The following DTNBP1 variants were observed in gnomAD, a reference collection of about 807,000 sequenced individuals.
DTNBP1 encodes dystrobrevin binding protein 1.
A neutral mutation model predicts 42.8 loss-of-function variants in DTNBP1; 35 were observed. That is an observed-to-expected ratio of 0.82 (90% CI 0.63 to 1.09). The LOEUF is 1.09. Among genes scored for constraint, DTNBP1 ranks in the 50% least tolerant of loss-of-function variants. The pLI, the probability that DTNBP1 is intolerant of heterozygous loss-of-function variation, is 0.00. For missense variants in DTNBP1, 457 were observed against 424.2 expected, an observed-to-expected ratio of 1.08 and a Z score of -0.68; for synonymous variants, 171 against 162.2, an observed-to-expected ratio of 1.05 and a Z score of -0.41.
At position 15,523,833 on chromosome 6, in the gene DTNBP1, C is replaced by T. The variant is rs766437357; in HGVS notation, c.812-614G>A. 8.5e-6 allele frequency: 11 copies of T among 1,287,048 alleles called. No homozygotes were observed. The East Asian group carries it at 5.0e-4, about 58-fold the overall frequency. The allele number at this position is 1,287,048 out of a possible 1,614,324, so 79.7% of individuals were successfully genotyped here. On this transcript the variant is annotated intron_variant, in intron 9 of 9. Coordinates refer to ENST00000344537, the MANE Select transcript of DTNBP1 (RefSeq NM_032122.5). ...AGGATGACACCGTTCTGACAGATTGCCAGGAGAAGCGGGTGAGAAGTTTAG... is the reference window on the plus strand; with the variant it reads ...AGGATGACACCGTTCTGACAGATTGTCAGGAGAAGCGGGTGAGAAGTTTAG...
At chr6:15,526,777 T>A (rs1772433991) in intron 8 of DTNBP1, among the ~76,000 whole-genome samples, 1 of 152,194 alleles carries the variant, frequency 6.6e-6, no homozygotes, top group Non-Finnish European at 1.5e-5. Context: ...GCTTCTGACT[T>A]CAGTTTTGAA....
chr6:15,624,723 T>C (rs1675305388), intron 5 of DTNBP1, among the ~76,000 whole-genome samples: 1 of 152,214 alleles, frequency 6.6e-6, no homozygotes, highest in Non-Finnish European at 1.5e-5. Context: ...CTTCTAAGTT[T>C]GTTTTTATTT....
chr6:15,544,767 C>T (rs1773777955), intron 7 of DTNBP1, among the ~76,000 whole-genome samples: 1 of 152,244 alleles, frequency 6.6e-6, no homozygotes, highest in African/African-American at 2.4e-5. Flanking sequence ...ACCTGCAACA[C>T]TTCTAGTCCC....
chr6:15,534,012 GA>G (rs903437036), intron 7 of DTNBP1, among the ~76,000 whole-genome samples: 1 of 152,192 alleles, frequency 6.6e-6, no homozygotes, highest in African/African-American at 2.4e-5. Context: ...GATGAACCTG[GA>G]GCACATATGC....
At chr6:15,557,898 T>C (rs982606885) in intron 7 of DTNBP1, among the ~76,000 whole-genome samples, 19 of 152,142 alleles carry the variant, frequency 1.2e-4, no homozygotes, top group Non-Finnish European at 1.9e-4. Flanking sequence ...GTCTTTTTCT[T>C]AATTAATCTT....
intron 3 of DTNBP1, 111 bp downstream of exon 3, chr6:15,651,202 A>AT (rs1166714681): frequency 1.0e-6 from 1 of 966,026 alleles, no homozygotes; most frequent in African/African-American, 1.6e-5. Context: ...CAATCACTGC[A>AT]TTAAGATAAA....
Position 15,524,291 on chromosome 6 carries a change from CAA to C in DTNBP1, c.811+233_811+234del, listed in dbSNP as rs370870187. ...ACAAACAAGAAAGCTCTCAACTCACCAAAGTTACCGGAGTGGAGCATGTCAAA... is the reference window on the plus strand; with the variant it reads ...ACAAACAAGAAAGCTCTCAACTCACCAGTTACCGGAGTGGAGCATGTCAAA... On this transcript the variant is annotated intron_variant, in intron 9 of 9. Transcript: ENST00000344537. 72 of 1,609,682 alleles carry C rather than the reference CAA, an allele frequency of 4.5e-5. No homozygotes were observed. In the African/African-American group the frequency reaches 8.7e-4, roughly 19 times the overall value.
intron 5 of DTNBP1, among the ~76,000 whole-genome samples, chr6:15,625,380 T>TA (rs547802554): frequency 1.4e-4 from 22 of 152,318 alleles, no homozygotes; most frequent in African/African-American, 5.1e-4. Context: ...ACCAGAACAG[T>TA]ATATCAGATA....
At chr6:15,532,695 A>ATTTTTTTTT (rs1561939702) in intron 8 of DTNBP1, among the ~76,000 whole-genome samples, 3 of 93,216 alleles carry the variant, frequency 3.2e-5, no homozygotes, top group Non-Finnish European at 6.0e-5. Context: ...TGTGTTTGTA[A>ATTTTTTTTT]TCTTTTTTTT....
chr6:15,615,113 G>C (rs753812318), intron 6 of DTNBP1, 154 bp downstream of exon 6: 2 of 1,088,862 alleles, frequency 1.8e-6, no homozygotes, highest in African/African-American at 1.6e-5. Context: ...GCAACAGACA[G>C]TGGTTTTTAA....
At chr6:15,647,053 C>T (rs780334863) in intron 3 of DTNBP1, among the ~76,000 whole-genome samples, 1 of 151,788 alleles carries the variant, frequency 6.6e-6, no homozygotes, top group Non-Finnish European at 1.5e-5. Flanking sequence ...AGAAACAACA[C>T]AATAAACAGA....
intron 3 of DTNBP1, among the ~76,000 whole-genome samples, chr6:15,642,661 C>G (rs544907923): frequency 6.6e-6 from 1 of 152,336 alleles, no homozygotes; most frequent in Admixed American, 6.5e-5. Context: ...GCCAATACAT[C>G]ACTACAGTAA....
At chr6:15,572,579 T>C (rs965503801) in intron 7 of DTNBP1, among the ~76,000 whole-genome samples, 7 of 152,220 alleles carry the variant, frequency 4.6e-5, no homozygotes, top group Admixed American at 1.3e-4. Context: ...CTGTAAACCC[T>C]TTATGTGTAT....
In DTNBP1 at chr6:15,523,202, A is replaced by C. The variant is rs764012900; in HGVS notation, c.829T>G (p.Cys277Gly). The C allele has an allele frequency of 2.5e-6, 4 of 1,614,246 alleles. No individual in the cohort carries two copies. In the East Asian group the frequency reaches 6.7e-5, roughly 27 times the overall value. ...SPALGPESST[C>G]QNEITLQVPN... ...ACCTGGAGGGTAATCTCATTCTGAC[A>C]GGTACTGGATTCAGGCCCTGCAAAA... Residue 277 changes from cysteine to glycine, a missense_variant, in exon 10 of 10, where the codon TGT becomes GGT. Cys to Gly is a radical substitution (Grantham distance 159). Transcript: ENST00000344537.
intron 3 of DTNBP1, among the ~76,000 whole-genome samples, chr6:15,642,621 G>A (rs1012193803): frequency 6.6e-6 from 1 of 152,146 alleles, no homozygotes; most frequent in African/African-American, 2.4e-5. Context: ...AGCTCCACAG[G>A]AGACAAGGTG....
intron 7 of DTNBP1, among the ~76,000 whole-genome samples, chr6:15,555,966 C>T (rs1388092115): frequency 6.6e-6 from 1 of 151,924 alleles, no homozygotes; most frequent in Admixed American, 6.6e-5. Context: ...GGAGAAACCC[C>T]GACCCAAAAG....
chr6:15,602,267 C>G (rs1385142408), intron 6 of DTNBP1, among the ~76,000 whole-genome samples: 3 of 152,144 alleles, frequency 2.0e-5, no homozygotes, highest in African/African-American at 7.2e-5. Flanking sequence ...CATGCTAGAG[C>G]ACTGCCCAGA....
chr6:15,529,178 G>A (rs528420370), intron 8 of DTNBP1, among the ~76,000 whole-genome samples: 6 of 152,070 alleles, frequency 3.9e-5, no homozygotes, highest in South Asian at 2.1e-4. Context: ...TCAGCTACTC[G>A]GGAGTCTGAG....
chr6:15,624,266 G>A (rs143344007), intron 5 of DTNBP1, among the ~76,000 whole-genome samples: 51 of 152,312 alleles, frequency 3.3e-4, no homozygotes, highest in Middle Eastern at 3.4e-3. Flanking sequence ...TGAGGAAGTT[G>A]GATTGGGAGC....
Sources: allele counts gnomAD v4.1 joint callset (sites outside exome capture counted in the v4.1 genomes callset), GRCh38; gene constraint gnomAD v4.1.1; transcripts MANE v1.5; gene names NCBI Gene and HGNC (gene_info 2026-07-23, HGNC 2026-07-21).